The following SLC25A13 variants were observed in gnomAD, a reference collection of about 807,000 sequenced individuals.
SLC25A13 encodes the protein electrogenic aspartate/glutamate antiporter SLC25A13, mitochondrial.
In SLC25A13, 70 loss-of-function variants were observed where a neutral mutation model predicts 85.5. The ratio of observed to expected loss-of-function variants is 0.82; its 90% confidence interval spans 0.68 to 1.00. The LOEUF is 1.00. SLC25A13 is among the 50% of genes least tolerant of loss of function. SLC25A13 has a pLI of 0.00. For synonymous variants in SLC25A13, 259 were observed against 288.7 expected (o/e 0.90, Z 1.04); for missense variants, 765 against 819.8 (o/e 0.93, Z 0.82).
intron 5 of SLC25A13, among the ~76,000 whole-genome samples, chr7:96,206,538 A>G (rs1261465528): frequency 6.6e-6 from 1 of 152,208 alleles, no homozygotes. Flanking sequence ...AAAGCCTATC[A>G]TGGTCCATCC....
chr7:96,185,072 C>A, intron 9 of SLC25A13, 61 bp from the exon 10 acceptor site: 4 of 1,324,020 alleles, frequency 3.0e-6, no homozygotes, highest in Admixed American at 2.0e-5. Flanking sequence ...GAAGATAAAA[C>A]AAAAATGACC....
intron 9 of SLC25A13, among the ~76,000 whole-genome samples, chr7:96,185,802 A>G (rs981833884): frequency 3.3e-4 from 50 of 151,894 alleles, no homozygotes; most frequent in African/African-American, 1.2e-3. Flanking sequence ...TGGGAAGCTG[A>G]GGCAGGAGAA....
chr7:96,269,448 C>T (rs1023528264), intron 3 of SLC25A13, among the ~76,000 whole-genome samples: 1 of 152,208 alleles, frequency 6.6e-6, no homozygotes, highest in Admixed American at 6.5e-5. Flanking sequence ...ACAGGGGTCA[C>T]TGACTGGAAA....
intron 4 of SLC25A13, among the ~76,000 whole-genome samples, chr7:96,229,970 TA>T (rs1300601543): frequency 6.6e-6 from 1 of 152,212 alleles, no homozygotes; most frequent in Non-Finnish European, 1.5e-5. Context: ...TGAAGCTAAA[TA>T]TACATATTTT....
chr7:96,190,759 C>A (rs538991801), intron 7 of SLC25A13, among the ~76,000 whole-genome samples: 1 of 152,038 alleles, frequency 6.6e-6, no homozygotes, highest in African/African-American at 2.4e-5. Flanking sequence ...ATTACAGGTG[C>A]CCACCACCAC....
At chr7:96,198,404 C>T (rs376393380) in intron 5 of SLC25A13, among the ~76,000 whole-genome samples, 2 of 152,146 alleles carry the variant, frequency 1.3e-5, no homozygotes, top group Non-Finnish European at 2.9e-5. Context: ...GCCACAGGAA[C>T]GGAAAAATGA....
In SLC25A13 at chr7:96,317,892, T is replaced by C. The variant is rs922342893; in HGVS notation, c.15+4050A>G. 5.3e-5 allele frequency among the ~76,000 whole-genome samples: 8 copies of C among 151,822 alleles called. No homozygotes were observed. The East Asian group carries it at 1.4e-3, about 26-fold the overall frequency. On this transcript the variant is annotated intron_variant, in intron 1 of 17. Transcript: ENST00000265631. ...TCTCAGCTCACTGCAACCTCTGCCT[T>C]CTGGGCTCAAGTGATCCTCCTGCCT...
intron 5 of SLC25A13, among the ~76,000 whole-genome samples, chr7:96,198,027 C>G (rs113053074): frequency 6.6e-6 from 1 of 152,180 alleles, no homozygotes; most frequent in African/African-American, 2.4e-5. Flanking sequence ...ACCAGAAATA[C>G]GTGTTCAACC....
intron 14 of SLC25A13, among the ~76,000 whole-genome samples, chr7:96,144,357 G>A (rs192790738): frequency 6.6e-6 from 1 of 152,268 alleles, no homozygotes; most frequent in Non-Finnish European, 1.5e-5. Context: ...GAATGTAGCT[G>A]ATACTGATGA....
At chr7:96,202,355 G>A (rs992353198) in intron 5 of SLC25A13, among the ~76,000 whole-genome samples, 3 of 152,174 alleles carry the variant, frequency 2.0e-5, no homozygotes, top group African/African-American at 7.2e-5. Context: ...GTAAAACTAT[G>A]ATAAAATACT....
intron 5 of SLC25A13, among the ~76,000 whole-genome samples, chr7:96,204,402 C>T (rs967420883): frequency 5.3e-5 from 8 of 152,148 alleles, no homozygotes; most frequent in South Asian, 2.1e-4. Context: ...AGGCTGGGCA[C>T]GGTGGCTCAT....
intron 4 of SLC25A13, among the ~76,000 whole-genome samples, chr7:96,215,243 C>T (rs548455441): frequency 5.9e-5 from 9 of 152,224 alleles, no homozygotes; most frequent in Admixed American, 2.6e-4. Flanking sequence ...GGATTACAGG[C>T]GCTTTGATAC....
intron 17 of SLC25A13, 125 bp downstream of exon 17, chr7:96,121,530 C>T: frequency 1.4e-6 from 2 of 1,381,304 alleles, no homozygotes; most frequent in Non-Finnish European, 2.1e-6. Context: ...CTTGTTAACA[C>T]AATTTCAACA....
chr7:96,177,779 G>C (rs1424424860), intron 11 of SLC25A13, among the ~76,000 whole-genome samples: 1 of 152,124 alleles, frequency 6.6e-6, no homozygotes, highest in African/African-American at 2.4e-5. Flanking sequence ...AGGCTAAGCA[G>C]CTTGTTTCAA....
intron 5 of SLC25A13, among the ~76,000 whole-genome samples, chr7:96,207,327 T>C (rs1334198773): frequency 6.6e-6 from 1 of 152,028 alleles, no homozygotes; most frequent in Non-Finnish European, 1.5e-5. Context: ...CAAATGCTAG[T>C]TGCTAAGAAT....
intron 3 of SLC25A13, among the ~76,000 whole-genome samples, chr7:96,264,098 T>C (rs1410691297): frequency 3.3e-5 from 5 of 152,160 alleles, no homozygotes; most frequent in Non-Finnish European, 5.9e-5. Flanking sequence ...CCCCTGCACC[T>C]ACCTCCCTGG....
chr7:96,295,912 G>A (rs781012474), intron 2 of SLC25A13, among the ~76,000 whole-genome samples: 3 of 151,446 alleles, frequency 2.0e-5, no homozygotes, highest in Non-Finnish European at 2.9e-5. Context: ...TTATATGTGT[G>A]TATATTATCT....
At chr7:96,317,528 C>T (rs892753160) in intron 1 of SLC25A13, among the ~76,000 whole-genome samples, 26 of 151,922 alleles carry the variant, frequency 1.7e-4, no homozygotes, top group African/African-American at 6.0e-4. Flanking sequence ...TGTGCTCTCA[C>T]CTCCCAGCCC....
At chr7:96,291,791 C>T (rs963013581) in intron 2 of SLC25A13, among the ~76,000 whole-genome samples, 5 of 152,078 alleles carry the variant, frequency 3.3e-5, no homozygotes, top group Non-Finnish European at 5.9e-5. Context: ...AATTAATAGC[C>T]TACCAACCAA....
Sources: gnomAD v4.1 joint callset for allele counts (sites outside exome capture counted in the v4.1 genomes callset) on GRCh38, gnomAD v4.1.1 for gene constraint, MANE v1.5 for transcripts, NCBI Gene and HGNC (gene_info 2026-07-23, HGNC 2026-07-21) for gene names.